Variants in DOCK7 observed in about 807,000 individuals in gnomAD.
The protein encoded by DOCK7 is dedicator of cytokinesis 7.
A neutral mutation model predicts 271.0 loss-of-function variants in DOCK7; 138 were observed. The observed-to-expected ratio is 0.51, with a 90% CI of 0.44 to 0.59. The LOEUF is 0.59. Ranked by LOEUF, DOCK7 falls within the 20% of genes least tolerant of loss-of-function variation. The probability of loss-of-function intolerance (pLI) is 0.00; values close to 1 mark genes in which losing one functional copy is unlikely to be tolerated. For synonymous variants in DOCK7, 823 were observed against 876.1 expected, an observed-to-expected ratio of 0.94 and a Z score of 1.07; for missense variants, 2,066 against 2,592.4, an observed-to-expected ratio of 0.80 and a Z score of 4.41.
intron 14 of DOCK7, among the ~76,000 whole-genome samples, chr1:62,590,381 A>G (rs1034478972): frequency 6.6e-6 from 1 of 152,238 alleles, no homozygotes; most frequent in Admixed American, 6.5e-5. Context: ...TGCATATACT[A>G]GAACAAGAAT....
At chr1:62,559,519 C>T (rs1646254820) in intron 19 of DOCK7, among the ~76,000 whole-genome samples, 1 of 151,732 alleles carries the variant, frequency 6.6e-6, no homozygotes, top group East Asian at 1.9e-4. Context: ...TAGTAACCTA[C>T]TTTTGTCCAT....
Position 62,457,538 on chromosome 1 carries a change from C to G in DOCK7, c.6380G>C (p.Arg2127Thr), listed in dbSNP as rs779747783. Residue 2127 changes from arginine to threonine, a missense_variant and splice_region_variant, in exon 49 of 50, where the codon AGA (arginine) becomes ACA (threonine). Physicochemically the swap from Arg to Thr is moderately conservative, Grantham distance 71. This residue lies in a region of DOCK7 where 652 missense variants were observed against 922.1 expected (regional missense o/e 0.71). Coordinates refer to ENST00000635253, the MANE Select transcript of DOCK7 (RefSeq NM_001367561.1). ...TAAAACCACTTAAAAATAAGCATAC[C>G]TGTGGCAGGTGACAGGCAATACTGC... ...YKAVLPVTCH[R>T]DSFSRMSLRK... 1.2e-6 allele frequency: 2 copies of G among 1,612,596 alleles called. No homozygotes were observed. Among genetic ancestry groups the G allele is most frequent in the Non-Finnish European group, 1.7e-6 (2 of 1,179,510 alleles).
At chr1:62,524,015 A>C (rs1179303388) in intron 31 of DOCK7, among the ~76,000 whole-genome samples, 2 of 152,182 alleles carry the variant, frequency 1.3e-5, no homozygotes, top group Non-Finnish European at 2.9e-5. Context: ...AGAACATACA[A>C]AGTCCTAAAA....
chr1:62,468,086 C>A (rs1053231160), intron 48 of DOCK7, among the ~76,000 whole-genome samples: 1 of 152,110 alleles, frequency 6.6e-6, no homozygotes, highest in Non-Finnish European at 1.5e-5. Flanking sequence ...CAAGGCCGGG[C>A]GCGGTGGCTC....
At chr1:62,658,446 C>A (rs943613475) in intron 2 of DOCK7, among the ~76,000 whole-genome samples, 1 of 151,746 alleles carries the variant, frequency 6.6e-6, no homozygotes, top group Non-Finnish European at 1.5e-5. Context: ...GGGGACAGAG[C>A]GAGACTCAGT....
chr1:62,669,902 C>T (rs942980575), intron 1 of DOCK7, among the ~76,000 whole-genome samples: 1 of 152,232 alleles, frequency 6.6e-6, no homozygotes, highest in African/African-American at 2.4e-5. Flanking sequence ...GAGACACGAG[C>T]GGGAACCGGG....
intron 7 of DOCK7, among the ~76,000 whole-genome samples, chr1:62,640,395 G>A (rs774410258): frequency 2.6e-5 from 4 of 152,090 alleles, no homozygotes; most frequent in Admixed American, 1.3e-4. Context: ...GGTGGCAGGC[G>A]CCTGTAGTCC....
chr1:62,586,658 C>T, intron 14 of DOCK7, 34 bp from the exon 15 acceptor site: 2 of 1,336,136 alleles, frequency 1.5e-6, no homozygotes, highest in Non-Finnish European at 2.1e-6. Context: ...ATAGTAAATA[C>T]ATATCTAAGA....
chr1:62,630,689 T>C (rs1654513302), intron 11 of DOCK7, among the ~76,000 whole-genome samples: 2 of 152,076 alleles, frequency 1.3e-5, no homozygotes, highest in Non-Finnish European at 2.9e-5. Flanking sequence ...ATTTGTTTCC[T>C]CATCAACATT....
intron 1 of DOCK7, among the ~76,000 whole-genome samples, chr1:62,680,480 A>G (rs1660994986): frequency 6.6e-6 from 1 of 151,692 alleles, no homozygotes; most frequent in Admixed American, 6.6e-5. Context: ...AGGCATGGGC[A>G]AGGACTTCAT....
chr1:62,634,969 G>A, intron 8 of DOCK7, 47 bp from the exon 9 acceptor site: 1 of 1,378,264 alleles, frequency 7.3e-7, no homozygotes, highest in Non-Finnish European at 1.0e-6. Context: ...ACATTTTACA[G>A]TGTCTATTTC....
chr1:62,487,304 T>A, intron 43 of DOCK7, 94 bp downstream of exon 43: 2 of 1,231,018 alleles, frequency 1.6e-6, no homozygotes, highest in Non-Finnish European at 2.3e-6. Context: ...AGCAACAGAA[T>A]GCCCACAGCT....
intron 22 of DOCK7, among the ~76,000 whole-genome samples, chr1:62,547,879 T>C (rs1261566366): frequency 1.3e-5 from 2 of 152,190 alleles, no homozygotes; most frequent in Admixed American, 6.5e-5. Context: ...CTGTATTTTA[T>C]ACTGGGGAAT....
At chr1:62,653,870 C>A (rs142764340) in intron 3 of DOCK7, 77 bp from the exon 4 acceptor site, 2 of 1,469,560 alleles carry the variant, frequency 1.4e-6, no homozygotes, top group African/African-American at 2.8e-5. Flanking sequence ...GCTACAATCG[C>A]TGTTTGCGTA....
intron 1 of DOCK7, among the ~76,000 whole-genome samples, chr1:62,671,966 C>CAAA (rs11300118): frequency 3.0e-4 from 42 of 141,744 alleles, no homozygotes; most frequent in African/African-American, 9.4e-4. Context: ...AAAATGAAGA[C>CAAA]AAAAAAAAAA....
At chr1:62,462,109 A>G (rs997799425) in intron 48 of DOCK7, among the ~76,000 whole-genome samples, 5 of 152,036 alleles carry the variant, frequency 3.3e-5, no homozygotes, top group Admixed American at 3.3e-4. Flanking sequence ...AAAGCATTAT[A>G]TACTAAAGAA....
chr1:62,593,258 A>C (rs1005826971), intron 14 of DOCK7, among the ~76,000 whole-genome samples: 1 of 152,144 alleles, frequency 6.6e-6, no homozygotes, highest in Admixed American at 6.6e-5. Context: ...CTGAATTTTC[A>C]CAATAAGTAC....
chr1:62,647,855 T>C, intron 6 of DOCK7, 79 bp from the exon 7 acceptor site: 1 of 1,077,016 alleles, frequency 9.3e-7, no homozygotes, highest in Non-Finnish European at 1.4e-6. Flanking sequence ...CTTACTTTAC[T>C]AATCTAACAC....
At chr1:62,489,164 C>A in intron 41 of DOCK7, 99 bp from the exon 42 acceptor site, 1 of 1,208,058 alleles carries the variant, frequency 8.3e-7, no homozygotes, top group Non-Finnish European at 1.1e-6. Flanking sequence ...AGATAATACA[C>A]TGAGGCCAGA....
Sources: gnomAD v4.1 joint callset for allele counts (sites outside exome capture counted in the v4.1 genomes callset) on GRCh38, gnomAD v4.1.1 for gene constraint, gnomAD v4.1.1 regional missense constraint, MANE v1.5 for transcripts, NCBI Gene and HGNC (gene_info 2026-07-23, HGNC 2026-07-21) for gene names.